Variants in RSU1 observed in about 807,000 individuals in gnomAD.
RSU1 encodes Ras suppressor protein 1.
A neutral mutation model predicts 31.1 loss-of-function variants in RSU1; 26 were observed. The observed-to-expected ratio is 0.84, with a 90% confidence interval of 0.61 to 1.16. The LOEUF (loss-of-function observed/expected upper bound fraction) is 1.16, where lower values mean the gene tolerates loss of function less well. Ranked by LOEUF, RSU1 falls within the 50% of genes most tolerant of loss-of-function variation. The pLI, the probability that RSU1 is intolerant of heterozygous loss-of-function variation, is 0.00. For synonymous variants in RSU1, 164 were observed against 136.3 expected (o/e 1.20, Z -1.41); for missense variants, 320 against 339.1 (o/e 0.94, Z 0.44).
chr10:16,611,001 T>C (rs1357999451), intron 8 of RSU1, among the ~76,000 whole-genome samples: 4 of 152,168 alleles, frequency 2.6e-5, no homozygotes, highest in East Asian at 3.9e-4. Context: ...AAATGCTACT[T>C]GGTTGGAGAA....
intron 7 of RSU1, among the ~76,000 whole-genome samples, chr10:16,737,199 TACCA>T (rs1194001479): frequency 2.0e-5 from 3 of 151,966 alleles, no homozygotes; most frequent in African/African-American, 7.3e-5. Flanking sequence ...ATTACTAACC[TACCA>T]ACCAATCAAT....
intron 8 of RSU1, among the ~76,000 whole-genome samples, chr10:16,679,584 A>T (rs1389710626): frequency 6.6e-6 from 1 of 152,204 alleles, no homozygotes; most frequent in Non-Finnish European, 1.5e-5. Flanking sequence ...ATAACTGGGC[A>T]TTTAATAGGT....
At chr10:16,740,738 G>A (rs753468287) in intron 7 of RSU1, among the ~76,000 whole-genome samples, 2 of 152,060 alleles carry the variant, frequency 1.3e-5, no homozygotes. Flanking sequence ...GTAATAAAAT[G>A]CTTAGGAAAA....
chr10:16,684,263 A>G (rs1398595206), intron 8 of RSU1, among the ~76,000 whole-genome samples: 1 of 152,206 alleles, frequency 6.6e-6, no homozygotes, highest in East Asian at 1.9e-4. Context: ...TCTTTGTCAC[A>G]TAATGTTATG....
chr10:16,781,344 T>G (rs937831555), intron 3 of RSU1, among the ~76,000 whole-genome samples: 8 of 152,192 alleles, frequency 5.3e-5, no homozygotes, highest in Non-Finnish European at 8.8e-5. Flanking sequence ...TGGGGCTCTA[T>G]GGATACCCAG....
chr10:16,646,591 T>C (rs1834575300), intron 8 of RSU1, among the ~76,000 whole-genome samples: 1 of 152,174 alleles, frequency 6.6e-6, no homozygotes, highest in South Asian at 2.1e-4. Context: ...TAAAGTGTTT[T>C]TTTCCTTCCT....
intron 8 of RSU1, among the ~76,000 whole-genome samples, chr10:16,655,395 T>C (rs932027064): frequency 6.6e-6 from 1 of 152,200 alleles, no homozygotes; most frequent in Admixed American, 6.5e-5. Flanking sequence ...AGGTTAACAC[T>C]ACTGAGGGCA....
At chr10:16,637,714 G>A (rs966923106) in intron 8 of RSU1, among the ~76,000 whole-genome samples, 26 of 152,104 alleles carry the variant, frequency 1.7e-4, no homozygotes, top group Non-Finnish European at 7.4e-5. Flanking sequence ...TTATAAGAGT[G>A]AGCATTTAGA....
chr10:16,601,733 C>T (rs1391567837), intron 8 of RSU1, among the ~76,000 whole-genome samples: 1 of 152,162 alleles, frequency 6.6e-6, no homozygotes, highest in South Asian at 2.1e-4. Flanking sequence ...ATCTGGCTCG[C>T]CTAATGTCCT....
chr10:16,690,155 T>A (rs1835517087), intron 8 of RSU1, among the ~76,000 whole-genome samples: 1 of 152,200 alleles, frequency 6.6e-6, no homozygotes, highest in African/African-American at 2.4e-5. Flanking sequence ...GAAAAAAATC[T>A]ACCTTCTGGA....
chr10:16,683,975 G>T (rs1477296386), intron 8 of RSU1, among the ~76,000 whole-genome samples: 1 of 152,184 alleles, frequency 6.6e-6, no homozygotes, highest in Non-Finnish European at 1.5e-5. Context: ...AAATGCTCAG[G>T]TTAAGATAAA....
intron 2 of RSU1, among the ~76,000 whole-genome samples, chr10:16,785,382 C>T (rs969524637): frequency 2.6e-5 from 3 of 115,910 alleles, no homozygotes; most frequent in African/African-American, 5.2e-5. Context: ...ACTTAATAAA[C>T]TCATTCACTC....
At chr10:16,641,103 C>T (rs1325360428) in intron 8 of RSU1, among the ~76,000 whole-genome samples, 2 of 152,158 alleles carry the variant, frequency 1.3e-5, no homozygotes, top group Non-Finnish European at 2.9e-5. Context: ...TCCACCATGG[C>T]ACACGTTTAC....
chr10:16,628,643 G>C (rs1165953056), intron 8 of RSU1, among the ~76,000 whole-genome samples: 1 of 152,118 alleles, frequency 6.6e-6, no homozygotes. Context: ...ACAAATAATT[G>C]TTTTATATGA....
At chr10:16,636,979 G>A (rs1834353965) in intron 8 of RSU1, among the ~76,000 whole-genome samples, 1 of 151,642 alleles carries the variant, frequency 6.6e-6, no homozygotes, top group Non-Finnish European at 1.5e-5. Flanking sequence ...ATTCCCTTTT[G>A]TAAGAAACAG....
chr10:16,632,941 A>C (rs1017554142), intron 8 of RSU1, among the ~76,000 whole-genome samples: 1 of 152,108 alleles, frequency 6.6e-6, no homozygotes, highest in African/African-American at 2.4e-5. Context: ...CATCTCAAAC[A>C]ACAAAATTTA....
intron 8 of RSU1, among the ~76,000 whole-genome samples, chr10:16,649,830 TG>T (rs962128302): frequency 1.3e-5 from 2 of 152,198 alleles, no homozygotes; most frequent in African/African-American, 2.4e-5. Context: ...ATTTAATTTT[TG>T]GGGGAAAAAA....
At chr10:16,723,049 T>C (rs994245607) in intron 7 of RSU1, 7 of 151,206 alleles carry the variant, frequency 4.6e-5, no homozygotes, top group East Asian at 2.0e-4. Flanking sequence ...TAGACATACA[T>C]ACACACATAT....
intron 2 of RSU1, among the ~76,000 whole-genome samples, chr10:16,795,084 T>G (rs1838000206): frequency 6.6e-6 from 1 of 152,242 alleles, no homozygotes; most frequent in South Asian, 2.1e-4. Context: ...CCCGGCGTGG[T>G]GGCTCATGCC....
Sources: allele counts gnomAD v4.1 joint callset (sites outside exome capture counted in the v4.1 genomes callset), GRCh38; gene constraint gnomAD v4.1.1; transcripts MANE v1.5; gene names NCBI Gene and HGNC (gene_info 2026-07-23, HGNC 2026-07-21).